TRPM3: variants seen among roughly 807,000 people sequenced by gnomAD.
TRPM3 encodes the protein transient receptor potential cation channel subfamily M member 3.
Under a neutral mutation model 181.2 loss-of-function variants are expected in TRPM3, and 77 were observed. The ratio of observed to expected loss-of-function variants is 0.42; its 90% CI spans 0.35 to 0.51. The LOEUF is 0.51. Among genes scored for constraint, TRPM3 ranks in the 20% least tolerant of loss-of-function variants. The probability of loss-of-function intolerance (pLI) is 0.01; values close to 1 mark genes in which losing one functional copy is unlikely to be tolerated. For synonymous variants in TRPM3, 745 were observed against 796.4 expected, an observed-to-expected ratio of 0.94 and a Z score of 1.09; for missense variants, 1,759 against 2,196.7, an observed-to-expected ratio of 0.80 and a Z score of 3.98.
At chr9:70,551,409 T>A (rs576109087) in intron 24 of TRPM3, among the ~76,000 whole-genome samples, 3 of 152,314 alleles carry the variant, frequency 2.0e-5, no homozygotes, top group Non-Finnish European at 2.9e-5. Flanking sequence ...AACCTGGCAA[T>A]GCTTTCGTTG....
rs940725222 is a variant in TRPM3, at chr9:71,387,473, C to A, written c.183+59180G>T. On this transcript the variant is annotated intron_variant, in intron 1 of 24. Coordinates refer to the TRPM3 transcript ENST00000357533. ...TACCAACAGCCATTCTACTTTACAT[C>A]TATAAACTGCCTATGAAGAGATTTC... Among the ~76,000 whole-genome samples, 6 of 152,096 alleles carry A rather than the reference C, an allele frequency of 3.9e-5. No individual in the cohort carries two copies. In the East Asian group the frequency reaches 9.6e-4, roughly 24 times the overall value.
chr9:71,329,419 T>G (rs995461068), intron 1 of TRPM3, among the ~76,000 whole-genome samples: 1 of 152,164 alleles, frequency 6.6e-6, no homozygotes, highest in Non-Finnish European at 1.5e-5. Context: ...CAATAAGAGT[T>G]GAGTATGGAA....
rs1428282308 is a variant in TRPM3 at position 70,532,137 on chromosome 9, T to G, written c.*3816A>C. ...CCCAACATATGAATGGTATAGCCTA[T>G]AGATAGAGCATGATGGATGACCGGG... On this transcript the variant is annotated 3_prime_UTR_variant, in exon 26 of 26. Coordinates refer to ENST00000677713, the MANE Select transcript of TRPM3 (RefSeq NM_001366145.2). The G allele has an allele frequency of 6.6e-6, 1 of 152,194 alleles. No individual in the cohort carries two copies. Among genetic ancestry groups the G allele is most frequent in the African/African-American group, 2.4e-5 (1 of 41,442 alleles). The allele number at this position is 152,194 out of a possible 1,614,324, so 9.4% of individuals were successfully genotyped here.
intron 1 of TRPM3, among the ~76,000 whole-genome samples, chr9:70,876,032 A>G (rs2095863704): frequency 6.6e-6 from 1 of 151,846 alleles, no homozygotes; most frequent in African/African-American, 2.4e-5. Flanking sequence ...TGCTCCAAAT[A>G]AAAAGGTAGA....
chr9:71,112,366 C>T (rs1013656023), intron 1 of TRPM3, among the ~76,000 whole-genome samples: 3 of 152,290 alleles, frequency 2.0e-5, no homozygotes, highest in African/African-American at 7.2e-5. Flanking sequence ...GTGCTACCTA[C>T]AAAGATTCTT....
intron 1 of TRPM3, among the ~76,000 whole-genome samples, chr9:71,080,727 G>A (rs961304063): frequency 2.0e-5 from 3 of 152,142 alleles, no homozygotes; most frequent in African/African-American, 4.8e-5. Flanking sequence ...CCATGCTTGA[G>A]GAAGTGCAAC....
intron 1 of TRPM3, among the ~76,000 whole-genome samples, chr9:70,920,787 T>C (rs2096645872): frequency 6.6e-6 from 1 of 152,230 alleles, no homozygotes; most frequent in Non-Finnish European, 1.5e-5. Context: ...TACTATATTA[T>C]CCTTATTTCT....
intron 1 of TRPM3, among the ~76,000 whole-genome samples, chr9:70,884,867 A>C (rs1363190996): frequency 1.3e-5 from 2 of 152,082 alleles, no homozygotes; most frequent in African/African-American, 4.8e-5. Context: ...AAAAATGCAT[A>C]CTCTGGTCCC....
Position 70,920,923 on chromosome 9 carries a change from T to C in TRPM3, c.178-56412A>G, listed in dbSNP as rs115008767. ...CCGGTTGCATACTCTCAATTAAATA[T>C]TCCTAGTCACTACTGACCAGAGGAA... On this transcript the variant is annotated intron_variant, in intron 1 of 25. Transcript: ENST00000677713. 7.1e-3 allele frequency among the ~76,000 whole-genome samples: 1,081 copies of C among 152,230 alleles called. 18 individuals are homozygous for C. The highest frequency in any genetic ancestry group is 0.025 in the African/African-American group (1,040 of 41,510).
intron 1 of TRPM3, among the ~76,000 whole-genome samples, chr9:70,966,003 T>C (rs2097181228): frequency 6.7e-6 from 1 of 149,160 alleles, no homozygotes; most frequent in Non-Finnish European, 1.5e-5. Context: ...GACAAAGGTC[T>C]AATATCCAGC....
intron 1 of TRPM3, among the ~76,000 whole-genome samples, chr9:71,178,832 C>T (rs1231282379): frequency 6.6e-6 from 1 of 152,042 alleles, no homozygotes; most frequent in Non-Finnish European, 1.5e-5. Flanking sequence ...GTTAAAAATG[C>T]CTGCCTCCAC....
chr9:70,907,337 T>C (rs1435235282), intron 1 of TRPM3, among the ~76,000 whole-genome samples: 1 of 152,186 alleles, frequency 6.6e-6, no homozygotes. Flanking sequence ...CTTTTCACGG[T>C]CTATGTAGTG....
At chr9:70,772,647 C>T (rs878984060) in intron 7 of TRPM3, among the ~76,000 whole-genome samples, 1 of 152,198 alleles carries the variant, frequency 6.6e-6, no homozygotes, top group African/African-American at 2.4e-5. Context: ...TTCTGTTGGG[C>T]AGTGCTGCTC....
At chr9:71,000,107 C>G (rs1369481455) in intron 1 of TRPM3, among the ~76,000 whole-genome samples, 1 of 152,120 alleles carries the variant, frequency 6.6e-6, no homozygotes, top group African/African-American at 2.4e-5. Context: ...GAAGGGAAAC[C>G]CCTCTAGGAC....
At chr9:71,030,537 C>T (rs564571687) in intron 1 of TRPM3, among the ~76,000 whole-genome samples, 429 of 151,566 alleles carry the variant, frequency 2.8e-3, no homozygotes, top group African/African-American at 9.7e-3. Flanking sequence ...TGCACTCCAG[C>T]CTGGGCAACA....
In TRPM3 at chr9:70,936,492, A is replaced by T. The variant is rs146477072; in HGVS notation, c.178-71981T>A. Among the ~76,000 whole-genome samples the T allele has an allele frequency of 2.0e-5, 3 of 152,330 alleles. No homozygotes were observed. The East Asian group carries it at 5.8e-4, about 29-fold the overall frequency. The stretch of plus-strand genomic sequence containing the variant: ...AAAAATTCAGGCTGCATTGCTAAAA[A>T]TGGGAAACCTTGGCAGAAGAGCAAT... On this transcript the variant is annotated intron_variant, in intron 1 of 25. Transcript: ENST00000677713.
chr9:70,753,296 A>G (rs1471705188), intron 8 of TRPM3, among the ~76,000 whole-genome samples: 1 of 152,196 alleles, frequency 6.6e-6, no homozygotes, highest in African/African-American at 2.4e-5. Context: ...TATCTGTAAC[A>G]CAACCAACAA....
intron 1 of TRPM3, among the ~76,000 whole-genome samples, chr9:71,324,120 C>T (rs2089468717): frequency 6.6e-6 from 1 of 151,972 alleles, no homozygotes; most frequent in Non-Finnish European, 1.5e-5. Flanking sequence ...TGGCAGAATG[C>T]ATTCACCTGG....
At chr9:71,254,053 G>C (rs925524321) in intron 1 of TRPM3, among the ~76,000 whole-genome samples, 4 of 152,080 alleles carry the variant, frequency 2.6e-5, no homozygotes, top group Non-Finnish European at 5.9e-5. Flanking sequence ...CTGAGTAGCT[G>C]GGACTACAGG....
Sources: gnomAD v4.1 joint callset for allele counts (sites outside exome capture counted in the v4.1 genomes callset) on GRCh38, gnomAD v4.1.1 for gene constraint, MANE v1.5 for transcripts, NCBI Gene and HGNC (gene_info 2026-07-23, HGNC 2026-07-21) for gene names.